The following CLSTN1 variants were observed in gnomAD, a reference collection of about 807,000 sequenced individuals.
The protein encoded by CLSTN1 is calsyntenin-1.
A neutral mutation model predicts 108.3 loss-of-function variants in CLSTN1; 28 were observed. That is an observed-to-expected ratio of 0.26 (90% CI 0.19 to 0.35). CLSTN1 has a LOEUF of 0.35. Ranked by LOEUF, CLSTN1 falls within the 10% of genes least tolerant of loss-of-function variation. The probability of loss-of-function intolerance (pLI) is 1.00; values close to 1 mark genes in which losing one functional copy is unlikely to be tolerated. For missense variants in CLSTN1, 1,157 were observed against 1,302.6 expected (o/e 0.89, Z 1.72); for synonymous variants, 524 against 534.9 (o/e 0.98, Z 0.28).
In CLSTN1 at chr1:9,731,483, C is replaced by T. The variant is rs75419880; in HGVS notation, c.2564-93G>A. The T allele has an allele frequency of 3.8e-4, 501 of 1,324,968 alleles. 1 individual carries two copies. In the African/African-American group the frequency reaches 6.4e-3, roughly 17 times the overall value. The allele number at this position is 1,324,968 out of a possible 1,614,324, so 82.1% of individuals were successfully genotyped here. A position where few individuals can be genotyped will look rare whatever the true frequency, so the allele number is the denominator to read the frequency against. On this transcript the variant is annotated intron_variant, in intron 17 of 18. Transcript: ENST00000377298. ...CTCGGCTGTGCCTGGTCAAAACGGG[C>T]TGGACAGCACGCTTCAGCTGAACCC...
intron 4 of CLSTN1, among the ~76,000 whole-genome samples, chr1:9,753,968 A>G (rs1026052974): frequency 5.3e-5 from 8 of 151,980 alleles, no homozygotes; most frequent in Admixed American, 4.6e-4. Context: ...ATGTGCCACC[A>G]TACCTGGCTG....
chr1:9,756,496 T>C lies in CLSTN1; in HGVS notation c.229A>G (p.Thr77Ala). Residue 77 changes from threonine (T) to alanine (A), a missense_variant, in exon 3 of 19, where the codon ACA becomes GCA. Thr to Ala is a moderately conservative substitution (Grantham distance 58). Transcript: ENST00000377298. ...PLRFAESFEV[T>A]VTKEGEICGF... is the part of the protein sequence containing the mutation. Reference sequence around the variant, plus strand: ...CCTTTATCACCTTCTTTGGTGACTGTCACCTCAAAACTCTCTAAAGGGAGA... The same window carrying C: ...CCTTTATCACCTTCTTTGGTGACTGCCACCTCAAAACTCTCTAAAGGGAGA... 6.2e-7 allele frequency: 1 copy of C among 1,612,650 alleles called. No homozygotes were observed. Among genetic ancestry groups the C allele is most frequent in the Non-Finnish European group, 8.5e-7 (1 of 1,178,790 alleles).
rs1382599224 is a variant in CLSTN1, at chr1:9,730,392, G to A, written c.*116C>T. 1 of 909,058 alleles carries A rather than the reference G, an allele frequency of 1.1e-6. No homozygotes were observed. Among genetic ancestry groups the A allele is most frequent in the Non-Finnish European group, 1.7e-6 (1 of 571,742 alleles). 56.3% of individuals were successfully genotyped at this position (909,058 alleles called of 1,614,324 possible). On this transcript the variant is annotated 3_prime_UTR_variant, in exon 19 of 19. Coordinates refer to ENST00000377298, the MANE Select transcript of CLSTN1 (RefSeq NM_001009566.3). The surrounding 1 kb of genome is among the most constrained non-coding windows in gnomAD (Gnocchi z 5.6). ...AGCACAGCGACGATCGTGGCGGGGA[G>A]GGGTCTGCACACCTACTGGCCGAAA...
intron 1 of CLSTN1, among the ~76,000 whole-genome samples, chr1:9,787,148 G>T (rs933259821): frequency 5.3e-5 from 8 of 150,266 alleles, no homozygotes; most frequent in African/African-American, 2.0e-4. Context: ...AGAACTGAGA[G>T]CTAAGGAGGA....
At chr1:9,788,642 C>T (rs1180608301) in intron 1 of CLSTN1, among the ~76,000 whole-genome samples, 3 of 151,016 alleles carry the variant, frequency 2.0e-5, no homozygotes, top group Admixed American at 6.7e-5. Flanking sequence ...CCGAGGCAGG[C>T]GGATCATGAG....
At chr1:9,810,477 A>AAAAC (rs895663331) in intron 1 of CLSTN1, among the ~76,000 whole-genome samples, 5 of 151,646 alleles carry the variant, frequency 3.3e-5, no homozygotes, top group Non-Finnish European at 7.4e-5. Context: ...CTCTGTCTCA[A>AAAAC]AAATAAATAA....
intron 2 of CLSTN1, 107 bp downstream of exon 2, chr1:9,773,165 G>T: frequency 6.9e-7 from 1 of 1,454,466 alleles, no homozygotes; most frequent in Non-Finnish European, 9.5e-7. Context: ...ATAACCCTCA[G>T]CTATGGAGAC....
At chr1:9,786,605 T>C (rs931025508) in intron 1 of CLSTN1, among the ~76,000 whole-genome samples, 1 of 135,714 alleles carries the variant, frequency 7.4e-6, no homozygotes, top group African/African-American at 3.0e-5. Context: ...ATTGTGCTAT[T>C]GCACTCCACT....
chr1:9,779,767 G>A (rs989472264), intron 1 of CLSTN1, among the ~76,000 whole-genome samples: 1 of 151,876 alleles, frequency 6.6e-6, no homozygotes, highest in African/African-American at 2.4e-5. Context: ...ATGTAGGCTG[G>A]AAGAAGCTTA....
chr1:9,794,665 G>A (rs1267889070), intron 1 of CLSTN1, among the ~76,000 whole-genome samples: 3 of 151,284 alleles, frequency 2.0e-5, no homozygotes, highest in African/African-American at 4.8e-5. Flanking sequence ...AACCAGGGAC[G>A]TGCCATGATT....
chr1:9,801,657 T>C (rs369661420), intron 1 of CLSTN1, among the ~76,000 whole-genome samples: 8 of 152,106 alleles, frequency 5.3e-5, no homozygotes, highest in Non-Finnish European at 7.4e-5. Context: ...TGGGTTCAAG[T>C]GATTCTCCTG....
chr1:9,760,684 GTT>G (rs762619559), intron 2 of CLSTN1, among the ~76,000 whole-genome samples: 32 of 102,416 alleles, frequency 3.1e-4, no homozygotes, highest in African/African-American at 4.7e-4. Context: ...CCATTCCCGG[GTT>G]TTTTTTTTTT....
At chr1:9,790,494 T>C (rs1479929915) in intron 1 of CLSTN1, among the ~76,000 whole-genome samples, 1 of 151,480 alleles carries the variant, frequency 6.6e-6, no homozygotes, top group African/African-American at 2.4e-5. Context: ...GGTCATGGTG[T>C]ATCATTCTTC....
At chr1:9,804,691 A>G (rs1654432023) in intron 1 of CLSTN1, among the ~76,000 whole-genome samples, 2 of 152,154 alleles carry the variant, frequency 1.3e-5, no homozygotes, top group Admixed American at 1.3e-4. Flanking sequence ...CAAAAAATAC[A>G]AAATTTCAGG....
chr1:9,788,441 C>T (rs1436065996), intron 1 of CLSTN1, among the ~76,000 whole-genome samples: 1 of 150,922 alleles, frequency 6.6e-6, no homozygotes, highest in Admixed American at 6.8e-5. Context: ...CATGGTAGTC[C>T]ATGCTAATTC....
In CLSTN1 at chr1:9,735,148, G is replaced by C; in HGVS notation, c.1910C>G (p.Ser637Trp). ...IKCFNEATCI[S>W]VPPVDGYVMV... ...CACGTAGCCATCTACCGGGGGGACC[G>C]AAATGCAGGTGGCCTCGTTAAAACA... is the stretch of plus-strand genomic sequence containing the variant. The change falls in exon 14 of 19, where the codon TCG (serine) becomes TGG (tryptophan). Residue 637 changes from serine (S) to tryptophan (W), a missense_variant. Ser to Trp is a radical substitution (Grantham distance 177). Coordinates refer to ENST00000377298, the MANE Select transcript of CLSTN1 (RefSeq NM_001009566.3). 6.2e-7 allele frequency: 1 copy of C among 1,614,210 alleles called. No homozygotes were observed. Among genetic ancestry groups the C allele is most frequent in the Non-Finnish European group, 8.5e-7 (1 of 1,180,054 alleles).
intron 2 of CLSTN1, among the ~76,000 whole-genome samples, chr1:9,766,351 G>A (rs553511095): frequency 1.9e-4 from 29 of 152,182 alleles, no homozygotes; most frequent in East Asian, 1.5e-3. Flanking sequence ...AACTCTCCAC[G>A]AAATATATAA....
intron 1 of CLSTN1, among the ~76,000 whole-genome samples, chr1:9,780,089 A>G (rs1317606178): frequency 1.3e-5 from 2 of 152,130 alleles, no homozygotes; most frequent in African/African-American, 4.8e-5. Context: ...TTCAGACCTC[A>G]GGTGATCTGC....
intron 3 of CLSTN1, among the ~76,000 whole-genome samples, chr1:9,755,850 A>T (rs1651781349): frequency 6.6e-6 from 1 of 152,206 alleles, no homozygotes; most frequent in African/African-American, 2.4e-5. Context: ...GCCTGGCTAA[A>T]ATTAGGGAAT....
Sources: allele counts gnomAD v4.1 joint callset (sites outside exome capture counted in the v4.1 genomes callset), GRCh38; gene constraint gnomAD v4.1.1; non-coding constraint Gnocchi (gnomAD v3.1); transcripts MANE v1.5; gene names NCBI Gene and HGNC (gene_info 2026-07-23, HGNC 2026-07-21).